Variants in NTRK1 observed in about 807,000 individuals in gnomAD.
NTRK1 encodes high affinity nerve growth factor receptor.
A neutral mutation model predicts 86.8 loss-of-function variants in NTRK1; 62 were observed. The observed-to-expected ratio is 0.71, with a 90% CI of 0.58 to 0.88. The LOEUF (loss-of-function observed/expected upper bound fraction) is 0.88, where lower values mean the gene tolerates loss of function less well. NTRK1 is among the 40% of genes least tolerant of loss of function. NTRK1 has a pLI of 0.00. For synonymous variants in NTRK1, 469 were observed against 456.6 expected (o/e 1.03, Z -0.35); for missense variants, 967 against 1,078.4 (o/e 0.90, Z 1.45).
intron 1 of NTRK1, among the ~76,000 whole-genome samples, chr1:156,824,478 G>A (rs1654271722): frequency 6.6e-6 from 1 of 152,194 alleles, no homozygotes; most frequent in Non-Finnish European, 1.5e-5. Context: ...ATTTACTTAT[G>A]TGTTCTGAAC....
rs1655354512 is a variant in NTRK1, at chr1:156,854,909, C to T, written c.51-9445C>T. Among the ~76,000 whole-genome samples, 1 of 152,196 alleles carries T rather than the reference C, an allele frequency of 6.6e-6. No homozygotes were observed. Among genetic ancestry groups the T allele is most frequent in the African/African-American group, 2.4e-5 (1 of 41,456 alleles). On this transcript the variant is annotated intron_variant, in intron 2 of 16. Coordinates refer to the NTRK1 transcript ENST00000392302. This position sits in a 1 kb window ranked among gnomAD's most constrained non-coding sequence, Gnocchi z 4.2. ...ACTTCCATCTCTCTTGATCTTACTA[C>T]AGCCTACAGGGCCCTGCACAGTTTG... is the stretch of plus-strand genomic sequence containing the variant.
chr1:156,880,173 T>C lies in NTRK1; in HGVS notation c.2205+16T>C, dbSNP rs1316009879. The C allele has an allele frequency of 1.9e-6, 3 of 1,611,574 alleles. No individual in the cohort carries two copies. Among genetic ancestry groups the C allele is most frequent in the Admixed American group, 1.7e-5 (1 of 59,850 alleles). ...CAACACGGAGGTCAGCCCCGGCCCA[T>C]GGTCACCCCTTGCTGGCCTCCCCGT... On this transcript the variant is annotated intron_variant, in intron 16 of 16. Transcript: ENST00000524377.
chr1:156,875,733 G>GTGT (rs1647866245), intron 12 of NTRK1, 67 bp downstream of exon 12: 1 of 1,548,370 alleles, frequency 6.5e-7, no homozygotes, highest in Non-Finnish European at 8.8e-7. Context: ...GTGTGTGTGT[G>GTGT]TGTAGAAGCC....
intron 13 of NTRK1, 75 bp from the exon 14 acceptor site, chr1:156,876,325 G>A (rs913774945): frequency 6.2e-7 from 1 of 1,609,246 alleles, no homozygotes; most frequent in Non-Finnish European, 8.5e-7. Context: ...ATACCGGGGT[G>A]GGCGGGCTGC....
rs34271945 is a variant in NTRK1, at chr1:156,880,004, A to G, written c.2052A>G (p.Gly684=). Residue 684 remains glycine, a synonymous_variant, in exon 16 of 17, where the codon GGA becomes GGG. Transcript: ENST00000524377. The part of the protein sequence containing the change: ...DIYSTDYYRV[G]GRTMLPIRWM... ...GCAGTGTCCGCCCGTGGCAGGTGGG[A>G]GGCCGCACCATGCTGCCCATTCGCT... 6.0e-3 allele frequency: 9,748 copies of G among 1,612,412 alleles called. 479 individuals are homozygous for G. The African/African-American group carries it at 0.11, about 18-fold the overall frequency.
At position 156,864,711 on chromosome 1, in the gene NTRK1, C is replaced by T. The variant is rs924914884; in HGVS notation, c.288-17C>T. 3 of 1,613,564 alleles carry T rather than the reference C, an allele frequency of 1.9e-6. No homozygotes were observed. The highest frequency in any genetic ancestry group is 2.5e-6 in the Non-Finnish European group (3 of 1,179,768). The stretch of plus-strand genomic sequence containing the variant: ...TAGCTGAGACCTGGGGACTGATCCT[C>T]CTGCACCCCTCCCCAGCACCATCGT... On this transcript the variant is annotated splice_polypyrimidine_tract_variant and intron_variant, in intron 2 of 16. Transcript: ENST00000524377.
At chr1:156,837,925 C>T (rs1205495042) in intron 1 of NTRK1, 4 of 152,182 alleles carry the variant, frequency 2.6e-5, no homozygotes, top group African/African-American at 4.8e-5. Flanking sequence ...CGGGATAAAA[C>T]ACGTTGGTAT....
In NTRK1 at chr1:156,817,642, C is replaced by CTT. The variant is rs1317245406; in HGVS notation, c.-64+1821_-64+1822dup. Among the ~76,000 whole-genome samples the CTT allele has an allele frequency of 1.7e-3, 228 of 131,262 alleles. 3 individuals carry two copies. Among genetic ancestry groups the CTT allele is most frequent in the African/African-American group, 6.2e-3 (217 of 34,870 alleles). 86.1% of individuals were successfully genotyped at this position (131,262 alleles called of 152,430 possible). On this transcript the variant is annotated intron_variant, in intron 1 of 16. Coordinates refer to the NTRK1 transcript ENST00000392302. ...TCATTAATAACATCAGTGTTGACAT[C>CTT]TTTTTTTTTTTTTTTTTTGAGACAG...
Position 156,868,225 on chromosome 1 carries a change from G to C in NTRK1, c.550G>C (p.Ala184Pro). 1 of 1,611,420 alleles carries C rather than the reference G, an allele frequency of 6.2e-7. No homozygotes were observed. Among genetic ancestry groups the C allele is most frequent in the Non-Finnish European group, 8.5e-7 (1 of 1,180,018 alleles). The change falls in exon 5 of 17, where the codon GCC becomes CCC. Residue 184 changes from alanine (A) to proline (P), a missense_variant. This residue lies in a region of NTRK1 where 330 missense variants were observed against 302.0 expected (regional missense o/e 1.09). Coordinates refer to ENST00000524377, the MANE Select transcript of NTRK1 (RefSeq NM_002529.4). ...KLQCHGQGPLAHMPNASCGVP... is the reference protein window; with the variant it reads ...KLQCHGQGPLPHMPNASCGVP... Reference sequence around the variant, plus strand: ...GCAGTGTCATGGGCAAGGGCCCCTGGCCCACATGCCCAATGCCAGCTGTGG... The same window carrying C: ...GCAGTGTCATGGGCAAGGGCCCCTGCCCCACATGCCCAATGCCAGCTGTGG...
In NTRK1 at chr1:156,874,625, G is replaced by C. The variant is rs1217169844; in HGVS notation, c.1250G>C (p.Gly417Ala). ...GAGAAGAAGGACGAAACACCTTTTG[G>C]GGTGAGATAGGAAGTAGAAGCTTGT... ...PVEKKDETPFGVSVAVGLAVF... is the reference protein window; with the variant it reads ...PVEKKDETPFAVSVAVGLAVF... The change falls in exon 10 of 17, where the codon GGG becomes GCG. Residue 417 changes from glycine to alanine, a missense_variant and splice_region_variant. By Grantham distance (60) the Gly-to-Ala change is moderately conservative. This residue lies in a region of NTRK1 where 637 missense variants were observed against 776.5 expected (regional missense o/e 0.82). Coordinates refer to ENST00000524377, the MANE Select transcript of NTRK1 (RefSeq NM_002529.4). The C allele has an allele frequency of 6.2e-7, 1 of 1,613,254 alleles. No individual in the cohort carries two copies. The highest frequency in any genetic ancestry group is 2.2e-5 in the East Asian group (1 of 44,840).
At chr1:156,862,747 C>A (rs1021273623) in intron 1 of NTRK1, among the ~76,000 whole-genome samples, 1 of 152,164 alleles carries the variant, frequency 6.6e-6, no homozygotes, top group Non-Finnish European at 1.5e-5. Context: ...TCCCACACAC[C>A]CTGCCAGCCC....
In NTRK1 at chr1:156,848,832, G is replaced by T. The variant is rs1470612783; in HGVS notation, c.50+6639G>T. On this transcript the variant is annotated intron_variant, in intron 2 of 16. Transcript: ENST00000392302. ...TGGCTTCCTGGGTCTTCATAGCCTC[G>T]CTGAGCTCCGCCCTCACCTGCCTGT... 24 of 1,461,394 alleles carry T rather than the reference G, an allele frequency of 1.6e-5. No homozygotes were observed. In the East Asian group the frequency reaches 3.7e-4, roughly 23 times the overall value. 90.5% of individuals were successfully genotyped at this position (1,461,394 alleles called of 1,614,324 possible). A position where few individuals can be genotyped will look rare whatever the true frequency, so the allele number is the denominator to read the frequency against.
In NTRK1 at chr1:156,868,496, G is replaced by T; in HGVS notation, c.575-9G>T. ...CACCCCTTGGCCCTCGGGCGTCCTG[G>T]GTGGCCAGGTGTGCCCACGCTGAAG... On this transcript the variant is annotated splice_polypyrimidine_tract_variant and intron_variant, in intron 5 of 16. Coordinates refer to ENST00000524377, the MANE Select transcript of NTRK1 (RefSeq NM_002529.4). The T allele has an allele frequency of 6.4e-7, 1 of 1,556,056 alleles. No individual in the cohort carries two copies. Among genetic ancestry groups the T allele is most frequent in the Non-Finnish European group, 8.7e-7 (1 of 1,149,908 alleles).
At chr1:156,840,796 A>C in intron 1 of NTRK1, 27 of 1,139,662 alleles carry the variant, frequency 2.4e-5, no homozygotes, top group Non-Finnish European at 3.5e-5. Context: ...GGGGGTGAAC[A>C]TTCAGGCGTC....
intron 8 of NTRK1, 182 bp downstream of exon 8, chr1:156,874,141 C>A: frequency 1.2e-6 from 1 of 867,312 alleles, no homozygotes; most frequent in Non-Finnish European, 1.8e-6. Flanking sequence ...GACTCCTGAA[C>A]TCCTGAGCTA....
intron 1 of NTRK1, among the ~76,000 whole-genome samples, chr1:156,825,210 T>C (rs999563121): frequency 3.3e-5 from 5 of 152,200 alleles, no homozygotes; most frequent in Non-Finnish European, 7.3e-5. Context: ...TCTCTTATCC[T>C]GGGACTCACT....
At position 156,868,184 on chromosome 1, in the gene NTRK1, T is replaced by C. The variant is rs201503610; in HGVS notation, c.509T>C (p.Val170Ala). The C allele has an allele frequency of 8.7e-5, 141 of 1,613,486 alleles. No individual in the cohort carries two copies. Among genetic ancestry groups the C allele is most frequent in the Admixed American group, 2.7e-4 (16 of 60,008 alleles). ...TGGGAGGAGGAGGGACTGGGCGGAG[T>C]GCCTGAACAGAAGCTGCAGTGTCAT... is the stretch of plus-strand genomic sequence containing the variant. The part of the protein sequence containing the change: ...QRWEEEGLGG[V>A]PEQKLQCHGQ... The change falls in exon 5 of 17, where the codon GTG (valine) becomes GCG (alanine). Residue 170 changes from valine to alanine, a missense_variant. Val to Ala is a moderately conservative substitution (Grantham distance 64). Around this residue, in one of 2 missense-constraint regions of NTRK1, gnomAD observed 330 missense variants for 302.0 expected, o/e 1.09. Transcript: ENST00000524377.
Position 156,879,381 on chromosome 1 carries a change from C to T in NTRK1, c.2046+19C>T, listed in dbSNP as rs1648114611. On this transcript the variant is annotated intron_variant, in intron 15 of 16. Coordinates refer to ENST00000524377, the MANE Select transcript of NTRK1 (RefSeq NM_002529.4). ...TTACCGTGTAAGGGTCCTTTGTCCCCAACGCCTTCCCCTGCATCCAAACTG... is the reference window on the plus strand; with the variant it reads ...TTACCGTGTAAGGGTCCTTTGTCCCTAACGCCTTCCCCTGCATCCAAACTG... 2 of 1,587,894 alleles carry T rather than the reference C, an allele frequency of 1.3e-6. No homozygotes were observed. Among genetic ancestry groups the T allele is most frequent in the East Asian group, 2.2e-5 (1 of 44,594 alleles).
chr1:156,865,508 C>T (rs1655889630), intron 3 of NTRK1, among the ~76,000 whole-genome samples: 1 of 152,220 alleles, frequency 6.6e-6, no homozygotes, highest in Non-Finnish European at 1.5e-5. Context: ...CGCTGCTCAC[C>T]TCCTGCTGTG....
Sources: allele counts gnomAD v4.1 joint callset (sites outside exome capture counted in the v4.1 genomes callset), GRCh38; gene constraint gnomAD v4.1.1; regional missense constraint gnomAD v4.1.1; non-coding constraint Gnocchi (gnomAD v3.1); transcripts MANE v1.5; gene names NCBI Gene and HGNC (gene_info 2026-07-23, HGNC 2026-07-21).